The following HDAC9 variants were observed in gnomAD, a reference collection of about 807,000 sequenced individuals.
The protein encoded by HDAC9 is histone deacetylase 9.
A neutral mutation model predicts 139.4 loss-of-function variants in HDAC9; 41 were observed. The ratio of observed to expected loss-of-function variants is 0.29; its 90% confidence interval spans 0.23 to 0.38. The LOEUF (loss-of-function observed/expected upper bound fraction) is 0.38. Among genes scored for constraint, HDAC9 ranks in the 10% least tolerant of loss-of-function variants. The pLI, the probability that HDAC9 is intolerant of heterozygous loss-of-function variation, is 1.00. For missense variants in HDAC9, 1,147 were observed against 1,297.0 expected, an observed-to-expected ratio of 0.88 and a Z score of 1.78; for synonymous variants, 517 against 476.2, an observed-to-expected ratio of 1.09 and a Z score of -1.12.
chr7:18,559,165 C>A (rs969696030), intron 2 of HDAC9, among the ~76,000 whole-genome samples: 1 of 152,200 alleles, frequency 6.6e-6, no homozygotes, highest in Non-Finnish European at 1.5e-5. Context: ...AGTCTGTACA[C>A]CTCCAGAATA....
At chr7:18,761,710 A>T (rs1023087318) in intron 14 of HDAC9, among the ~76,000 whole-genome samples, 1 of 152,194 alleles carries the variant, frequency 6.6e-6, no homozygotes, top group Non-Finnish European at 1.5e-5. Flanking sequence ...CGTATCTGTG[A>T]TCATCAAGTT....
intron 16 of HDAC9, among the ~76,000 whole-genome samples, chr7:18,775,197 C>T (rs975625472): frequency 2.6e-5 from 4 of 151,914 alleles, no homozygotes; most frequent in African/African-American, 7.3e-5. Context: ...GATGACTGAT[C>T]ACAGATGGGC....
intron 25 of HDAC9, among the ~76,000 whole-genome samples, chr7:18,979,349 A>G (rs1485649045): frequency 2.6e-5 from 4 of 152,144 alleles, no homozygotes; most frequent in African/African-American, 7.2e-5. Flanking sequence ...TTAAATATAC[A>G]TTCATATCTA....
upstream of HDAC9, among the ~76,000 whole-genome samples, chr7:18,285,913 C>T (rs1413585481): frequency 1.3e-5 from 2 of 152,054 alleles, no homozygotes; most frequent in African/African-American, 4.8e-5. Flanking sequence ...GGATGCATCT[C>T]AGAAAAACAT....
chr7:18,237,826 A>G (rs1793927167), intron 2 of HDAC9, among the ~76,000 whole-genome samples: 1 of 152,204 alleles, frequency 6.6e-6, no homozygotes. Context: ...TGGGCTGCAT[A>G]TGTTCATTTG....
At chr7:18,149,676 A>G (rs902434591) in intron 1 of HDAC9, among the ~76,000 whole-genome samples, 13 of 147,506 alleles carry the variant, frequency 8.8e-5, no homozygotes, top group South Asian at 2.2e-4. Flanking sequence ...TCAGCCTCCC[A>G]AGTAGCTGGG....
chr7:18,883,011 C>A (rs1012612094), intron 22 of HDAC9, among the ~76,000 whole-genome samples: 1 of 152,032 alleles, frequency 6.6e-6, no homozygotes, highest in African/African-American at 2.4e-5. Context: ...TGTTTGTATT[C>A]CTACTTTATA....
rs1323247496 is a variant in HDAC9 at position 18,774,028 on chromosome 7, T to G, written c.2214+6873T>G. Among the ~76,000 whole-genome samples, 3 of 151,964 alleles carry G rather than the reference T, an allele frequency of 2.0e-5. No homozygotes were observed. The East Asian group carries it at 5.8e-4, about 29-fold the overall frequency. Reference sequence around the variant, plus strand: ...AAATTCAAAACCAAAATAAATTAGCTCACTGAATGCTTGAGCCATAAGCAG... The same window carrying G: ...AAATTCAAAACCAAAATAAATTAGCGCACTGAATGCTTGAGCCATAAGCAG... On this transcript the variant is annotated intron_variant, in intron 16 of 25. Coordinates refer to ENST00000686413, the MANE Select transcript of HDAC9 (RefSeq NM_178425.4).
intron 8 of HDAC9, among the ~76,000 whole-genome samples, chr7:18,641,619 G>A (rs190104221): frequency 6.6e-5 from 10 of 152,160 alleles, no homozygotes; most frequent in East Asian, 1.9e-4. Context: ...GATTAAAACC[G>A]TCATTTCCAT....
chr7:18,644,726 G>A lies in HDAC9; in HGVS notation c.968G>A (p.Ser323Asn), dbSNP rs1340123430. 1 of 1,612,100 alleles carries A rather than the reference G, an allele frequency of 6.2e-7. No homozygotes were observed. The change falls in exon 9 of 26, where the codon AGT (serine) becomes AAT (asparagine). Residue 323 changes from serine to asparagine, a missense_variant. Coordinates refer to ENST00000686413, the MANE Select transcript of HDAC9 (RefSeq NM_178425.4). ...CATGAAGATTCCATGAACCTGCTAA[G>A]TCTTTATACCTCTCCTTCTTTGCCC... ...LIHEDSMNLL[S>N]LYTSPSLPNI...
intron 2 of HDAC9, among the ~76,000 whole-genome samples, chr7:18,516,080 A>T (rs1803089056): frequency 6.6e-6 from 1 of 152,220 alleles, no homozygotes. Flanking sequence ...AGTCACACTT[A>T]AAATTTTTTG....
rs534636625 is a variant in HDAC9 at position 18,148,024 on chromosome 7, T to G, written c.-96-14205T>G. Among the ~76,000 whole-genome samples the G allele has an allele frequency of 4.7e-4, 72 of 152,316 alleles. No homozygotes were observed. In the South Asian group the frequency reaches 0.013, roughly 28 times the overall value. ...TGGACATCTAGACTGTTTCCAGAAT[T>G]TCTGTTCTACATTGTCTTGCTGTTA... On this transcript the variant is annotated intron_variant, in intron 1 of 12. Transcript: ENST00000417496.
At chr7:18,226,648 C>T (rs1793076607) in intron 2 of HDAC9, among the ~76,000 whole-genome samples, 1 of 152,014 alleles carries the variant, frequency 6.6e-6, no homozygotes, top group African/African-American at 2.4e-5. Flanking sequence ...CCTAGGGGTT[C>T]ATTGGAAGTG....
intron 12 of HDAC9, among the ~76,000 whole-genome samples, chr7:18,695,949 G>A (rs964610343): frequency 3.3e-5 from 5 of 152,030 alleles, no homozygotes; most frequent in African/African-American, 1.2e-4. Flanking sequence ...ATGGTAAAAA[G>A]TTTTATGTAA....
At chr7:18,494,229 G>A (rs1324966519), upstream of HDAC9, among the ~76,000 whole-genome samples, 1 of 152,024 alleles carries the variant, frequency 6.6e-6, no homozygotes, top group African/African-American at 2.4e-5. Flanking sequence ...TCAAGAAGTA[G>A]AGTATTCAGT....
At chr7:18,551,036 T>C (rs11543651) in intron 2 of HDAC9, among the ~76,000 whole-genome samples, 48,791 of 151,992 alleles carry the variant, frequency 0.32, 8,046 homozygotes, top group Admixed American at 0.38. Flanking sequence ...ACCACATACA[T>C]CAAAAAACCC....
intron 23 of HDAC9, among the ~76,000 whole-genome samples, chr7:18,950,371 T>C (rs1782708120): frequency 6.6e-6 from 1 of 152,100 alleles, no homozygotes; most frequent in Admixed American, 6.6e-5. Context: ...GCAGTTCACC[T>C]TAGAAAACAA....
chr7:18,634,932 T>A (rs1783431947), intron 8 of HDAC9, among the ~76,000 whole-genome samples, 190 bp downstream of exon 8: 1 of 152,104 alleles, frequency 6.6e-6, no homozygotes, highest in Non-Finnish European at 1.5e-5. Context: ...ATTATAAACC[T>A]ATAAGAAATG....
At chr7:18,429,466 T>G (rs1000922031) in intron 1 of HDAC9, 1 of 152,172 alleles carries the variant, frequency 6.6e-6, no homozygotes, top group Non-Finnish European at 1.5e-5. Flanking sequence ...AAAAGTTAAC[T>G]TTCCCCTGGA....
Sources: gnomAD v4.1 joint callset for allele counts (sites outside exome capture counted in the v4.1 genomes callset) on GRCh38, gnomAD v4.1.1 for gene constraint, MANE v1.5 for transcripts, NCBI Gene and HGNC (gene_info 2026-07-23, HGNC 2026-07-21) for gene names.